PNKP: variants seen among roughly 807,000 people sequenced by gnomAD.
The protein encoded by PNKP is bifunctional polynucleotide phosphatase/kinase.
A neutral mutation model predicts 66.2 loss-of-function variants in PNKP; 82 were observed. The observed-to-expected ratio is 1.24, with a 90% CI of 1.04 to 1.49. The LOEUF (loss-of-function observed/expected upper bound fraction) is 1.49. PNKP is among the 40% of genes most tolerant of loss of function. PNKP has a pLI of 0.00. For synonymous variants in PNKP, 412 were observed against 298.9 expected, an observed-to-expected ratio of 1.38 and a Z score of -3.90; for missense variants, 907 against 706.8, an observed-to-expected ratio of 1.28 and a Z score of -3.21.
chr19:49,866,669 G>C (rs1321185591), intron 2 of PNKP: 4 of 642,586 alleles, frequency 6.2e-6, no homozygotes, highest in African/African-American at 1.8e-5. Flanking sequence ...TACAGAATTG[G>C]TTTCCTCCTT....
chr19:49,865,271 A>C lies in PNKP; in HGVS notation c.354T>G (p.Thr118=). 1.2e-6 allele frequency: 2 copies of C among 1,614,202 alleles called. No homozygotes were observed. Among genetic ancestry groups the C allele is most frequent in the Non-Finnish European group, 1.7e-6 (2 of 1,180,030 alleles). The change falls in exon 4 of 17, where the codon ACT becomes ACG. Residue 118 remains threonine (T), a synonymous_variant. Transcript: ENST00000322344. ...GGGACACCAGAGGGGTGCCAGGCGG[A>C]GTATCTGGCTGGGATTCTGGTGTGC... ...ETRTPESQPD[T]PPGTPLVSQD... is the part of the protein sequence containing the mutation.
intron 5 of PNKP, 27 bp from the exon 6 acceptor site, chr19:49,864,263 T>C: frequency 6.3e-7 from 1 of 1,595,240 alleles, no homozygotes; most frequent in African/African-American, 1.3e-5. Flanking sequence ...GCGGCAGGGG[T>C]GACCCGGGGC....
intron 3 of PNKP, chr19:49,865,691 G>A (rs563697978): frequency 4.2e-6 from 2 of 473,796 alleles, no homozygotes; most frequent in Admixed American, 8.6e-5. Flanking sequence ...TTGGCTCATT[G>A]AAACCTGTGC....
In PNKP at chr19:49,861,344, C is replaced by A. The variant is rs750181288; in HGVS notation, c.1470G>T (p.Thr490=). The A allele has an allele frequency of 3.1e-6, 5 of 1,614,154 alleles. No homozygotes were observed. The Admixed American group carries it at 5.0e-5, about 16-fold the overall frequency. Residue 490 remains threonine, a synonymous_variant, in exon 17 of 17, where the codon ACG becomes ACT. Transcript: ENST00000322344. ...YGYRKQFEAP[T]LAEGFSAILE... Reference sequence around the variant, plus strand: ...GGATGGCAGAGAAGCCTTCAGCCAGCGTTGGGGCCTCGAACTGCTTCCTGG... The same window carrying A: ...GGATGGCAGAGAAGCCTTCAGCCAGAGTTGGGGCCTCGAACTGCTTCCTGG...
At chr19:49,863,913 C>A (rs775282770) in intron 7 of PNKP, 51 bp downstream of exon 7, 2 of 1,494,808 alleles carry the variant, frequency 1.3e-6, no homozygotes, top group Non-Finnish European at 1.9e-6. Context: ...AAAGCCCTCG[C>A]TCTGGATCTC....
chr19:49,863,979 C>A lies in PNKP; in HGVS notation c.729G>T (p.Leu243=). 3 of 1,613,632 alleles carry A rather than the reference C, an allele frequency of 1.9e-6. No individual in the cohort carries two copies. Among genetic ancestry groups the A allele is most frequent in the Non-Finnish European group, 2.5e-6 (3 of 1,179,594 alleles). Residue 243 remains leucine, a synonymous_variant, in exon 7 of 17, where the codon CTG becomes CTT. Coordinates refer to ENST00000322344, the MANE Select transcript of PNKP (RefSeq NM_007254.4). ...CCAGCCATACCTGGAAGGGGACCCCCAGCTTCTCCACCACAGCCTCCACCT... is the reference window on the plus strand; with the variant it reads ...CCAGCCATACCTGGAAGGGGACCCCAAGCTTCTCCACCACAGCCTCCACCT... ...KAKVEAVVEK[L]GVPFQVLVAT...
chr19:49,862,580 G>C lies in PNKP; in HGVS notation c.894C>G (p.Ala298=), dbSNP rs1261224882. Residue 298 remains alanine, a synonymous_variant, in exon 10 of 17, where the codon GCC becomes GCG. Transcript: ENST00000322344. ...GDAAGRPANW[A]PGRKKKDFSC... is the part of the protein sequence containing the mutation. ...AGAAGTCTTTCTTCTTCCGCCCCGG[G>C]GCCCAGTTGGCCGGGCGTCCGGCTG... The C allele has an allele frequency of 6.2e-7, 1 of 1,613,190 alleles. No individual in the cohort carries two copies. Among genetic ancestry groups the C allele is most frequent in the East Asian group, 2.2e-5 (1 of 44,856 alleles).
chr19:49,862,415 G>A lies in PNKP; in HGVS notation c.985C>T (p.Leu329Phe), dbSNP rs765953221. The A allele has an allele frequency of 6.4e-7, 1 of 1,573,878 alleles. No homozygotes were observed. Among genetic ancestry groups the A allele is most frequent in the Non-Finnish European group, 8.6e-7 (1 of 1,159,468 alleles). Residue 329 changes from leucine (L) to phenylalanine (F), a missense_variant, in exon 11 of 17, where the codon CTC becomes TTC. Transcript: ENST00000322344. Reference protein sequence around the residue: ...LPFATPEEFFLKWPAAGFELP... With the variant: ...LPFATPEEFFFKWPAAGFELP... ...TCGAAGCCGGCTGCTGGCCACTTGAGAAAGAACTCCTCAGGCGTGGCGAAG... is the reference window on the plus strand; with the variant it reads ...TCGAAGCCGGCTGCTGGCCACTTGAAAAAGAACTCCTCAGGCGTGGCGAAG...
rs1410334900 is a variant in PNKP, at chr19:49,862,772, C to G, written c.817-34G>C. 5.6e-6 allele frequency: 9 copies of G among 1,612,522 alleles called. No homozygotes were observed. The South Asian group carries it at 9.9e-5, about 18-fold the overall frequency. On this transcript the variant is annotated intron_variant, in intron 8 of 16. Coordinates refer to ENST00000322344, the MANE Select transcript of PNKP (RefSeq NM_007254.4). ...GACGGTAGTGAGGAGGCCCTTCCCACAAATGTCCCCCCGCAGCGGTAGCGG... is the reference window on the plus strand; with the variant it reads ...GACGGTAGTGAGGAGGCCCTTCCCAGAAATGTCCCCCCGCAGCGGTAGCGG...
Position 49,862,605 on chromosome 19 carries a change from G to A in PNKP, c.869C>T (p.Ala290Val). 1 of 1,613,798 alleles carries A rather than the reference G, an allele frequency of 6.2e-7. No individual in the cohort carries two copies. Among genetic ancestry groups the A allele is most frequent in the Non-Finnish European group, 8.5e-7 (1 of 1,179,848 alleles). The change falls in exon 10 of 17, where the codon GCA becomes GTA. Residue 290 changes from alanine (A) to valine (V), a missense_variant. Ala to Val is a moderately conservative substitution (Grantham distance 64, BLOSUM62 0). Transcript: ENST00000322344. ...SIGDSIFVGD[A>V]AGRPANWAPG... is the part of the protein sequence containing the mutation. ...GGCCCAGTTGGCCGGGCGTCCGGCTGCGTCTGGAACACACGGGACACCCCG... is the reference window on the plus strand; with the variant it reads ...GGCCCAGTTGGCCGGGCGTCCGGCTACGTCTGGAACACACGGGACACCCCG...
intron 7 of PNKP, 48 bp from the exon 8 acceptor site, chr19:49,863,808 A>G (rs569244721): frequency 8.0e-6 from 12 of 1,501,480 alleles, no homozygotes; most frequent in Non-Finnish European, 1.1e-5. Context: ...TCAAGCACCT[A>G]CTGGATGCCA....
Position 49,864,413 on chromosome 19 carries a change from C to T in PNKP, c.499-10G>A, listed in dbSNP as rs765084625. The T allele has an allele frequency of 1.2e-6, 2 of 1,608,800 alleles. No individual in the cohort carries two copies. The highest frequency in any genetic ancestry group is 2.2e-5 in the South Asian group (2 of 90,994). On this transcript the variant is annotated splice_polypyrimidine_tract_variant and intron_variant, in intron 4 of 16. Transcript: ENST00000322344. Reference sequence around the variant, plus strand: ...GATCAAAGCCAGCCACCTGGTGTCACCAAGGAAAGACAAACAGCAGCACTG... The same window carrying T: ...GATCAAAGCCAGCCACCTGGTGTCATCAAGGAAAGACAAACAGCAGCACTG...
At chr19:49,865,545 C>A (rs2074812510) in intron 3 of PNKP, 119 bp from the exon 4 acceptor site, 14 of 673,214 alleles carry the variant, frequency 2.1e-5, no homozygotes, top group Non-Finnish European at 3.7e-5. Context: ...TAGGCCCCAC[C>A]TCTTCACTTT....
intron 13 of PNKP, 54 bp from the exon 14 acceptor site, chr19:49,861,935 C>T: frequency 6.3e-7 from 1 of 1,581,118 alleles, no homozygotes; most frequent in Non-Finnish European, 8.6e-7. Context: ...GAGAGAAGAC[C>T]CCGAGCGGGG....
At position 49,865,607 on chromosome 19, in the gene PNKP, T is replaced by C. The variant is rs1483370278; in HGVS notation, c.199-181A>G. The C allele has an allele frequency of 6.1e-6, 3 of 492,766 alleles. No individual in the cohort carries two copies. In the African/African-American group the frequency reaches 8.4e-5, roughly 14 times the overall value. 30.5% of individuals were successfully genotyped at this position (492,766 alleles called of 1,614,324 possible). On this transcript the variant is annotated intron_variant, in intron 3 of 16. Coordinates refer to ENST00000322344, the MANE Select transcript of PNKP (RefSeq NM_007254.4). ...TTTTCAGCCTTGTCCGAATCTTTTT[T>C]TTTTTTTTTTTTTTTTTTCCCCTGG...
intron 6 of PNKP, 40 bp downstream of exon 6, chr19:49,864,139 C>CCACGTG (rs1267140947): frequency 1.9e-6 from 3 of 1,611,274 alleles, no homozygotes; most frequent in African/African-American, 2.7e-5. Context: ...GGTCGGACCG[C>CCACGTG]CACGTGCACG....
chr19:49,861,238 TGGGCGG>T lies in PNKP; in HGVS notation c.*4_*9del. 1 of 1,542,280 alleles carries T rather than the reference TGGGCGG, an allele frequency of 6.5e-7. No homozygotes were observed. Among genetic ancestry groups the T allele is most frequent in the Non-Finnish European group, 9.0e-7 (1 of 1,114,902 alleles). ...AACAGCGTTTATTGTGGAGGGGAGC[TGGGCGG>T]GGCTCAGCCCTCGGAGAACTGGCAG... On this transcript the variant is annotated 3_prime_UTR_variant, in exon 17 of 17. Coordinates refer to ENST00000322344, the MANE Select transcript of PNKP (RefSeq NM_007254.4).
rs959497903 is a variant in PNKP, at chr19:49,862,370, C to T, written c.1029+1G>A. ...CCCCCACCCCCGCCCCAGGGCCTCA[C>T]CGGATCAAAGGCTGGGAGCTCGAAG... On this transcript the variant is annotated splice_donor_variant, in intron 11 of 16. Transcript: ENST00000322344. LOFTEE classifies it high-confidence loss of function. 1 of 1,541,698 alleles carries T rather than the reference C, an allele frequency of 6.5e-7. No homozygotes were observed. The highest frequency in any genetic ancestry group is 2.0e-5 in the Admixed American group (1 of 51,090).
intron 8 of PNKP, among the ~76,000 whole-genome samples, chr19:49,863,337 T>C (rs1238117815): frequency 6.6e-6 from 1 of 152,214 alleles, no homozygotes; most frequent in African/African-American, 2.4e-5. Flanking sequence ...CCTGCTGTTT[T>C]ACACGCCAGT....
Sources: gnomAD v4.1 joint callset for allele counts (sites outside exome capture counted in the v4.1 genomes callset) on GRCh38, gnomAD v4.1.1 for gene constraint, MANE v1.5 for transcripts, NCBI Gene and HGNC (gene_info 2026-07-23, HGNC 2026-07-21) for gene names.